The following CNTNAP3B variants were observed in gnomAD, a reference collection of about 807,000 sequenced individuals.
The protein encoded by CNTNAP3B is contactin associated protein family member 3B, also known as contactin-associated protein-like 3B.
A neutral mutation model predicts 108.9 loss-of-function variants in CNTNAP3B; 25 were observed. The ratio of observed to expected loss-of-function variants is 0.23; its 90% CI spans 0.17 to 0.32. CNTNAP3B has a LOEUF of 0.32. CNTNAP3B is among the 10% of genes least tolerant of loss of function. The pLI, the probability that CNTNAP3B is intolerant of heterozygous loss-of-function variation, is 1.00. For missense variants in CNTNAP3B, 252 were observed against 1,210.4 expected (o/e 0.21, Z 11.75); for synonymous variants, 103 against 473.4 (o/e 0.22, Z 10.16).
chr9:42,125,372 A>C (rs1211917410), intron 1 of CNTNAP3B, among the ~76,000 whole-genome samples: 1 of 141,180 alleles, frequency 7.1e-6, no homozygotes, highest in Admixed American at 7.0e-5. Flanking sequence ...CACCCTTGCT[A>C]TACTGTGGAT....
chr9:42,108,764 T>A (rs1396197380), intron 1 of CNTNAP3B, among the ~76,000 whole-genome samples: 3 of 138,628 alleles, frequency 2.2e-5, no homozygotes, highest in Non-Finnish European at 4.6e-5. Flanking sequence ...TGGTCTTGAT[T>A]TGTCCCCTGA....
chr9:42,100,250 G>T (rs1223969412), intron 2 of CNTNAP3B, among the ~76,000 whole-genome samples: 1 of 80,518 alleles, frequency 1.2e-5, no homozygotes, highest in Non-Finnish European at 2.6e-5. Context: ...AAGTGGGGAG[G>T]GAAATCCTAA....
At chr9:42,070,906 C>CT (rs1827363081) in intron 3 of CNTNAP3B, among the ~76,000 whole-genome samples, 1 of 151,504 alleles carries the variant, frequency 6.6e-6, no homozygotes, top group Admixed American at 6.6e-5. Context: ...CTAGTGGACA[C>CT]TTTTTTAGAT....
rs1446358728 is a variant in CNTNAP3B at position 41,919,158 on chromosome 9, G to A, written c.2995+912C>T. On this transcript the variant is annotated intron_variant, in intron 18 of 23. Transcript: ENST00000377561. The stretch of plus-strand genomic sequence containing the variant: ...TTTTCTTTTTTTTTTTCCCCAAGAC[G>A]GAGTCTCACTCTGTCGCCCAGGAGT... Among the ~76,000 whole-genome samples the A allele has an allele frequency of 6.8e-3, 1,015 of 150,222 alleles. 4 individuals carry two copies. Among genetic ancestry groups the A allele is most frequent in the African/African-American group, 0.024 (950 of 39,742 alleles).
chr9:42,037,354 A>G (rs1180709037), intron 3 of CNTNAP3B, among the ~76,000 whole-genome samples: 1 of 120,022 alleles, frequency 8.3e-6, no homozygotes, highest in Non-Finnish European at 1.7e-5. Flanking sequence ...GGATGTTCGA[A>G]CCCACTGCAA....
At chr9:42,084,786 GTTTAT>G (rs1245309573) in intron 2 of CNTNAP3B, among the ~76,000 whole-genome samples, 2 of 10,874 alleles carry the variant, frequency 1.8e-4, no homozygotes, top group Non-Finnish European at 1.8e-4. Context: ...TTACAATAAT[GTTTAT>G]TTTAAGTTGC....
intron 1 of CNTNAP3B, among the ~76,000 whole-genome samples, chr9:42,124,029 C>T (rs1227853609): frequency 2.2e-5 from 3 of 133,928 alleles, no homozygotes; most frequent in Non-Finnish European, 3.1e-5. Context: ...CAAACCACAG[C>T]CCAGGCAATA....
chr9:41,985,803 TGAGCTAAC>T (rs1296165480), intron 9 of CNTNAP3B, among the ~76,000 whole-genome samples: 1 of 60,640 alleles, frequency 1.6e-5, no homozygotes, highest in Non-Finnish European at 2.9e-5. Context: ...TTTGTTTTTA[TGAGCTAAC>T]TGTTAGAAGT....
chr9:41,962,420 A>G (rs551671065), intron 11 of CNTNAP3B, among the ~76,000 whole-genome samples: 6 of 152,276 alleles, frequency 3.9e-5, no homozygotes, highest in Non-Finnish European at 7.3e-5. Context: ...GCAGTGAATA[A>G]CCATGGACTA....
rs934051833 is a variant in CNTNAP3B at position 42,116,443 on chromosome 9, A to T, written c.86-11704T>A. Among the ~76,000 whole-genome samples, 4 of 130,104 alleles carry T rather than the reference A, an allele frequency of 3.1e-5. 1 individual carries two copies. Among genetic ancestry groups the T allele is most frequent in the Non-Finnish European group, 6.4e-5 (4 of 62,392 alleles). 85.4% of individuals were successfully genotyped at this position (130,104 alleles called of 152,430 possible). ...AAACTAAGCTTCATAACTGAAGGAGAAATAAAATCCTTTACAGACAAGCAA... is the reference window on the plus strand; with the variant it reads ...AAACTAAGCTTCATAACTGAAGGAGTAATAAAATCCTTTACAGACAAGCAA... On this transcript the variant is annotated intron_variant, in intron 1 of 23. Transcript: ENST00000377561.
chr9:42,125,744 C>T (rs1828555868), intron 1 of CNTNAP3B, among the ~76,000 whole-genome samples: 1 of 129,414 alleles, frequency 7.7e-6, no homozygotes, highest in African/African-American at 3.2e-5. Flanking sequence ...GATCTCAGCT[C>T]ACTGCCTCCT....
At chr9:41,970,748 C>T (rs1433716052) in intron 9 of CNTNAP3B, among the ~76,000 whole-genome samples, 4 of 123,256 alleles carry the variant, frequency 3.2e-5, no homozygotes, top group East Asian at 2.6e-4. Context: ...TTGTGCGTTG[C>T]GATGTATGTA....
At chr9:41,947,212 A>T (rs1391715245) in intron 13 of CNTNAP3B, among the ~76,000 whole-genome samples, 1 of 149,956 alleles carries the variant, frequency 6.7e-6, no homozygotes, top group Non-Finnish European at 1.5e-5. Context: ...CAGAATATAC[A>T]TTTTTTTTTC....
At position 42,118,011 on chromosome 9, in the gene CNTNAP3B, C is replaced by A. The variant is rs1444580831; in HGVS notation, c.85+10999G>T. 2.3e-5 allele frequency among the ~76,000 whole-genome samples: 3 copies of A among 132,678 alleles called. 1 individual carries two copies. The highest frequency in any genetic ancestry group is 9.0e-5 in the African/African-American group (3 of 33,254). 87.0% of individuals were successfully genotyped at this position (132,678 alleles called of 152,430 possible). A position where few individuals can be genotyped will look rare whatever the true frequency, so the allele number is the denominator to read the frequency against. ...AATCTCTGAATAGACCAATAACAGG[C>A]TCTGAAATTGAGGCAATAAGTAATA... On this transcript the variant is annotated intron_variant, in intron 1 of 23. Transcript: ENST00000377561.
intron 13 of CNTNAP3B, among the ~76,000 whole-genome samples, chr9:41,950,281 A>T (rs1319214536): frequency 1.2e-5 from 1 of 81,926 alleles, no homozygotes; most frequent in Non-Finnish European, 2.6e-5. Flanking sequence ...GAAATCATAC[A>T]CTGTTGGTGG....
intron 3 of CNTNAP3B, among the ~76,000 whole-genome samples, chr9:42,029,429 GA>G (rs1826472642): frequency 8.2e-6 from 1 of 121,546 alleles, no homozygotes; most frequent in South Asian, 2.8e-4. Flanking sequence ...GAATAACAAA[GA>G]AAAAACAAAA....
At position 42,042,505 on chromosome 9, in the gene CNTNAP3B, T is replaced by A. The variant is rs569939491; in HGVS notation, c.391-28980A>T. Among the ~76,000 whole-genome samples the A allele has an allele frequency of 3.6e-5, 5 of 140,350 alleles. No homozygotes were observed. In the South Asian group the frequency reaches 1.1e-3, roughly 32 times the overall value. The allele number at this position is 140,350 out of a possible 152,430, so 92.1% of individuals were successfully genotyped here. Reference sequence around the variant, plus strand: ...GAATAGTGGGGAAAAAATGGATGGCTGTGACTTTGTTGAACATGCACAACC... The same window carrying A: ...GAATAGTGGGGAAAAAATGGATGGCAGTGACTTTGTTGAACATGCACAACC... On this transcript the variant is annotated intron_variant, in intron 3 of 23. Coordinates refer to ENST00000377561, the MANE Select transcript of CNTNAP3B (RefSeq NM_001201380.3).
intron 14 of CNTNAP3B, among the ~76,000 whole-genome samples, chr9:41,930,466 C>T (rs1823945220): frequency 6.6e-6 from 1 of 152,288 alleles, no homozygotes; most frequent in Admixed American, 6.5e-5. Flanking sequence ...TCCCTTGAGC[C>T]TGGGAGGTAG....
In CNTNAP3B at chr9:41,993,498, T is replaced by G. The variant is rs1564169858; in HGVS notation, c.1072-1627A>C. The G allele has an allele frequency of 1.8e-5, 2 of 110,816 alleles. 1 individual carries two copies. 6.9% of individuals were successfully genotyped at this position (110,816 alleles called of 1,614,324 possible). On this transcript the variant is annotated intron_variant, in intron 7 of 23. Transcript: ENST00000377561. ...CAAGAAAACATTTGCAGAAGAAAAT[T>G]TAAAAAAGAAAACATTTGCTGTAAC... is the stretch of plus-strand genomic sequence containing the variant.
Sources: allele counts gnomAD v4.1 joint callset (sites outside exome capture counted in the v4.1 genomes callset), GRCh38; gene constraint gnomAD v4.1.1; transcripts MANE v1.5; gene names NCBI Gene and HGNC (gene_info 2026-07-23, HGNC 2026-07-21).